The following AJAP1 variants were observed in gnomAD, a reference collection of about 807,000 sequenced individuals.
AJAP1 encodes the protein adherens junction-associated protein 1.
AJAP1 carries 5 observed loss-of-function variants against 35.0 expected under a neutral mutation model. The observed-to-expected ratio is 0.14, with a 90% CI of 0.07 to 0.30. AJAP1 has a LOEUF of 0.30. AJAP1 is among the 10% of genes least tolerant of loss of function. The probability of loss-of-function intolerance (pLI) is 1.00; values close to 1 mark genes in which losing one functional copy is unlikely to be tolerated. For synonymous variants in AJAP1, 284 were observed against 249.3 expected (o/e 1.14, Z -1.31); for missense variants, 586 against 571.0 (o/e 1.03, Z -0.27).
intron 2 of AJAP1, among the ~76,000 whole-genome samples, chr1:4,752,074 A>T (rs946906546): frequency 6.6e-6 from 1 of 151,754 alleles, no homozygotes; most frequent in Non-Finnish European, 1.5e-5. Flanking sequence ...AGGTGGGCGG[A>T]GGAAGTGCCA....
Position 4,789,943 on chromosome 1 carries a change from C to G in AJAP1, c.*7458C>G, listed in dbSNP as rs1341159918. ...AACTGCAGGGGTGAACACCATTGTA[C>G]CAATCCCCGGGCCAGTGTCTCATTT... On this transcript the variant is annotated 3_prime_UTR_variant, in exon 6 of 6. Transcript: ENST00000378191. The surrounding 1 kb of genome is among the most constrained non-coding windows in gnomAD (Gnocchi z 4.4). 1 of 152,244 alleles carries G rather than the reference C, an allele frequency of 6.6e-6. No individual in the cohort carries two copies. Among genetic ancestry groups the G allele is most frequent in the Non-Finnish European group, 1.5e-5 (1 of 68,082 alleles). 9.4% of individuals were successfully genotyped at this position (152,244 alleles called of 1,614,324 possible).
intron 2 of AJAP1, among the ~76,000 whole-genome samples, chr1:4,741,916 G>A (rs1205117104): frequency 1.3e-5 from 2 of 152,256 alleles, no homozygotes; most frequent in African/African-American, 4.8e-5. Context: ...GGCCAAATCA[G>A]AGACAATTTC....
chr1:4,735,378 C>T (rs1010508249), intron 2 of AJAP1, among the ~76,000 whole-genome samples: 4 of 152,270 alleles, frequency 2.6e-5, no homozygotes, highest in South Asian at 4.1e-4. Flanking sequence ...GTGAGAACGC[C>T]TATTGGGAGA....
rs192146008 is a variant in AJAP1, at chr1:4,712,307, C to T, written c.437C>T (p.Pro146Leu). ...TCCTCCGCGGTGGCCGGTGGGGCCC[C>T]GGAGCAGCAGGCCCTCCTGAGGAGG... is the stretch of plus-strand genomic sequence containing the variant. ...SSSSAVAGGA[P>L]EQQALLRRGK... Residue 146 changes from proline (P) to leucine (L), a missense_variant, in exon 2 of 6, where the codon CCG (proline) becomes CTG (leucine). By Grantham distance (98) the Pro-to-Leu change is moderately conservative. Coordinates refer to ENST00000378191, the MANE Select transcript of AJAP1 (RefSeq NM_018836.4). 9 of 1,490,360 alleles carry T rather than the reference C, an allele frequency of 6.0e-6. No individual in the cohort carries two copies. The highest frequency in any genetic ancestry group is 4.8e-5 in the East Asian group (2 of 41,264). 92.3% of individuals were successfully genotyped at this position (1,490,360 alleles called of 1,614,324 possible).
At position 4,720,718 on chromosome 1, in the gene AJAP1, G is replaced by A. The variant is rs1423314098; in HGVS notation, c.829+8019G>A. On this transcript the variant is annotated intron_variant, in intron 2 of 5. Transcript: ENST00000378191. The surrounding 1 kb of genome is among the most constrained non-coding windows in gnomAD (Gnocchi z 4.4). Reference sequence around the variant, plus strand: ...CGAAGCCCACCTCACCGGTGGCTCTGCCAGGGTAATCGAATGGTGTTTGTG... The same window carrying A: ...CGAAGCCCACCTCACCGGTGGCTCTACCAGGGTAATCGAATGGTGTTTGTG... Among the ~76,000 whole-genome samples the A allele has an allele frequency of 6.6e-6, 1 of 152,214 alleles. No homozygotes were observed. The highest frequency in any genetic ancestry group is 6.5e-5 in the Admixed American group (1 of 15,292).
intron 2 of AJAP1, among the ~76,000 whole-genome samples, chr1:4,722,407 G>A (rs1039906574): frequency 3.3e-5 from 5 of 152,216 alleles, no homozygotes; most frequent in Non-Finnish European, 7.3e-5. Flanking sequence ...ATGAATCTCT[G>A]CTCTAGTCCT....
chr1:4,759,786 G>C (rs1230320953), intron 2 of AJAP1, among the ~76,000 whole-genome samples: 2 of 152,264 alleles, frequency 1.3e-5, no homozygotes, highest in Non-Finnish European at 2.9e-5. Flanking sequence ...CTAAACGTAG[G>C]CTCTGAAGAC....
Position 4,693,388 on chromosome 1 carries a change from C to T in AJAP1, c.30-18512C>T, listed in dbSNP as rs112084702. On this transcript the variant is annotated intron_variant, in intron 1 of 5. Coordinates refer to ENST00000378191, the MANE Select transcript of AJAP1 (RefSeq NM_018836.4). The surrounding 1 kb of genome is among the most constrained non-coding windows in gnomAD (Gnocchi z 4.4). ...TGGAGGGCTTCCTGGAGGCAGGGGG[C>T]GGGGGGAGGGATTGGAGGAGGCCTA... is the stretch of plus-strand genomic sequence containing the variant. 0.055 allele frequency among the ~76,000 whole-genome samples: 2,953 copies of T among 53,690 alleles called. 93 individuals are homozygous for T. Among genetic ancestry groups the T allele is most frequent in the African/African-American group, 0.18 (2,806 of 15,288 alleles). The allele number at this position is 53,690 out of a possible 152,430, so 35.2% of individuals were successfully genotyped here.
At chr1:4,770,269 C>G (rs1641806444) in intron 3 of AJAP1, among the ~76,000 whole-genome samples, 1 of 152,132 alleles carries the variant, frequency 6.6e-6, no homozygotes, top group South Asian at 2.1e-4. Context: ...CTTGTCTCCT[C>G]TGCCCCTTCC....
intron 1 of AJAP1, among the ~76,000 whole-genome samples, chr1:4,708,054 G>T (rs1290883453): frequency 6.8e-6 from 1 of 147,284 alleles, no homozygotes; most frequent in East Asian, 2.0e-4. Flanking sequence ...TGCAACCTCC[G>T]CCTCCTGGGT....
At chr1:4,731,814 G>C (rs1324410984) in intron 2 of AJAP1, among the ~76,000 whole-genome samples, 1 of 152,246 alleles carries the variant, frequency 6.6e-6, no homozygotes, top group East Asian at 1.9e-4. Context: ...CTCAGCTCCT[G>C]AAAGAATTGC....
intron 2 of AJAP1, among the ~76,000 whole-genome samples, chr1:4,755,285 C>T (rs1428863145): frequency 6.6e-6 from 1 of 152,202 alleles, no homozygotes; most frequent in Non-Finnish European, 1.5e-5. Context: ...ACTCAGAACC[C>T]CTGTGGGAAG....
rs754091872 is a variant in AJAP1 at position 4,712,119 on chromosome 1, G to A, written c.249G>A (p.Pro83=). 3.9e-6 allele frequency: 6 copies of A among 1,542,674 alleles called. No homozygotes were observed. The highest frequency in any genetic ancestry group is 1.2e-5 in the South Asian group (1 of 81,690). Residue 83 remains proline (P), a synonymous_variant, in exon 2 of 6, where the codon CCG becomes CCA. Coordinates refer to ENST00000378191, the MANE Select transcript of AJAP1 (RefSeq NM_018836.4). The part of the protein sequence containing the change: ...RVPAPVWSPR[P]PRVERIHGQM... ...CGGCCCCGGTGTGGAGCCCCCGGCC[G>A]CCCCGAGTGGAGCGGATCCACGGGC...
intron 1 of AJAP1, among the ~76,000 whole-genome samples, chr1:4,710,491 G>A (rs1640206823): frequency 6.6e-6 from 1 of 152,042 alleles, no homozygotes; most frequent in East Asian, 1.9e-4. Flanking sequence ...TTGCCTACAC[G>A]CACACACTCA....
chr1:4,693,811 C>T lies in AJAP1; in HGVS notation c.30-18089C>T, dbSNP rs565182353. On this transcript the variant is annotated intron_variant, in intron 1 of 5. Coordinates refer to ENST00000378191, the MANE Select transcript of AJAP1 (RefSeq NM_018836.4). The surrounding 1 kb of genome is among the most constrained non-coding windows in gnomAD (Gnocchi z 4.4). The stretch of plus-strand genomic sequence containing the variant: ...ACATGGAGGGGAGGAAGGGGCCAAA[C>T]GCGTCCTTTTATCAGGAACCCACTT... 1.9e-4 allele frequency among the ~76,000 whole-genome samples: 29 copies of T among 152,284 alleles called. No individual in the cohort carries two copies. Among genetic ancestry groups the T allele is most frequent in the South Asian group, 2.1e-4 (1 of 4,828 alleles).
chr1:4,778,459 T>A (rs1641981879), intron 5 of AJAP1, among the ~76,000 whole-genome samples: 2 of 152,118 alleles, frequency 1.3e-5, no homozygotes, highest in South Asian at 4.1e-4. Context: ...CATGAGAGCC[T>A]CCTCCTGGGC....
chr1:4,781,780 G>A (rs1228022799), intron 5 of AJAP1, among the ~76,000 whole-genome samples: 1 of 152,210 alleles, frequency 6.6e-6, no homozygotes, highest in Non-Finnish European at 1.5e-5. Flanking sequence ...GGCCATGCCC[G>A]GGGTGACCGT....
At chr1:4,733,724 A>G (rs1344629259) in intron 2 of AJAP1, among the ~76,000 whole-genome samples, 1 of 152,020 alleles carries the variant, frequency 6.6e-6, no homozygotes, top group Non-Finnish European at 1.5e-5. Context: ...GGTCCAGGAC[A>G]GCCCACCCCT....
chr1:4,690,253 T>A (rs1639708892), intron 1 of AJAP1, among the ~76,000 whole-genome samples: 2 of 152,156 alleles, frequency 1.3e-5, no homozygotes, highest in South Asian at 4.1e-4. Context: ...TCCTTCACTG[T>A]CACCAGGGCC....
Sources: allele counts gnomAD v4.1 joint callset (sites outside exome capture counted in the v4.1 genomes callset), GRCh38; gene constraint gnomAD v4.1.1; non-coding constraint Gnocchi (gnomAD v3.1); transcripts MANE v1.5; gene names NCBI Gene and HGNC (gene_info 2026-07-23, HGNC 2026-07-21).